Variants in UNC13C observed in about 807,000 individuals in gnomAD.
The protein encoded by UNC13C is protein unc-13 homolog C.
In UNC13C, 174 loss-of-function variants were observed where a neutral mutation model predicts 245.4. That is an observed-to-expected ratio of 0.71 (90% CI 0.63 to 0.80). The LOEUF is 0.80. Among genes scored for constraint, UNC13C ranks in the 30% least tolerant of loss-of-function variants. UNC13C has a pLI of 0.00. For missense variants in UNC13C, 2,829 were observed against 2,602.9 expected (o/e 1.09, Z -1.89); for synonymous variants, 992 against 895.1 (o/e 1.11, Z -1.93).
chr15:54,586,560 T>A (rs1469756609), intron 30 of UNC13C, among the ~76,000 whole-genome samples: 2 of 152,236 alleles, frequency 1.3e-5, no homozygotes, highest in Non-Finnish European at 2.9e-5. Flanking sequence ...AATTAACTTT[T>A]TAAAGGCCCT....
At chr15:54,105,966 T>A (rs150547376) in intron 2 of UNC13C, among the ~76,000 whole-genome samples, 31 of 152,290 alleles carry the variant, frequency 2.0e-4, no homozygotes, top group African/African-American at 7.0e-4. Context: ...CAGTTCTATT[T>A]TAAACTTACT....
At chr15:53,875,131 C>T in the UNC13C span, among the ~76,000 whole-genome samples, 1 of 152,060 alleles carries the variant, frequency 6.6e-6, no homozygotes. Context: ...TGTGACTTTC[C>T]CCCACATCTA....
At chr15:54,006,564 C>T (rs1191766902) in intron 1 of UNC13C, among the ~76,000 whole-genome samples, 1 of 152,182 alleles carries the variant, frequency 6.6e-6, no homozygotes, top group East Asian at 1.9e-4. Flanking sequence ...CTGTCAGAGT[C>T]ATCCCTGTGA....
At chr15:54,319,769 G>A (rs921842208) in intron 13 of UNC13C, among the ~76,000 whole-genome samples, 1 of 144,960 alleles carries the variant, frequency 6.9e-6, no homozygotes, top group Non-Finnish European at 1.5e-5. Context: ...GAGCAAAATA[G>A]GATCACATTA....
chr15:54,146,866 T>C (rs2032282136), intron 4 of UNC13C, among the ~76,000 whole-genome samples: 1 of 152,030 alleles, frequency 6.6e-6, no homozygotes, highest in South Asian at 2.1e-4. Flanking sequence ...AGTTCTTAGG[T>C]TTGCAAAAGT....
chr15:54,190,877 C>T (rs549047547), intron 4 of UNC13C, among the ~76,000 whole-genome samples: 82 of 152,046 alleles, frequency 5.4e-4, no homozygotes, highest in African/African-American at 1.9e-3. Context: ...GTTCTCTAGT[C>T]CATCTATAAT....
the UNC13C span, among the ~76,000 whole-genome samples, chr15:53,866,615 C>T: frequency 2.0e-5 from 3 of 152,146 alleles, no homozygotes; most frequent in East Asian, 3.9e-4. Flanking sequence ...GCCCCTGACC[C>T]GCAGGCACCA....
intron 17 of UNC13C, among the ~76,000 whole-genome samples, chr15:54,343,754 C>G (rs80137233): frequency 0.075 from 11,460 of 152,110 alleles, 502 homozygotes; most frequent in Admixed American, 0.12. Flanking sequence ...GAAGGCTACC[C>G]CAATAGGATT....
At chr15:53,869,442 A>T in the UNC13C span, among the ~76,000 whole-genome samples, 16 of 152,230 alleles carry the variant, frequency 1.1e-4, no homozygotes, top group Non-Finnish European at 1.9e-4. Context: ...AGGGTAATTC[A>T]TACTAATTCC....
downstream of UNC13C, chr15:54,631,783 A>T (rs776491889): frequency 6.6e-6 from 1 of 152,204 alleles, no homozygotes; most frequent in Non-Finnish European, 1.5e-5. Context: ...ATTATGAACA[A>T]AGCTTTTATA....
intron 19 of UNC13C, among the ~76,000 whole-genome samples, chr15:54,421,828 C>G (rs1257955644): frequency 6.6e-6 from 1 of 151,966 alleles, no homozygotes; most frequent in Non-Finnish European, 1.5e-5. Flanking sequence ...TTCATTAATA[C>G]ACACACTTAT....
chr15:53,940,954 A>T, the UNC13C span, among the ~76,000 whole-genome samples: 2 of 152,218 alleles, frequency 1.3e-5, no homozygotes, highest in African/African-American at 4.8e-5. Context: ...TTAGAAAAAA[A>T]ATCTATTTTA....
the UNC13C span, among the ~76,000 whole-genome samples, chr15:53,892,530 G>A: frequency 2.0e-5 from 3 of 152,008 alleles, no homozygotes; most frequent in Admixed American, 6.6e-5. Flanking sequence ...TGTACATTTA[G>A]TCTTTTCACA....
chr15:54,155,890 T>C (rs1316884340), intron 4 of UNC13C, among the ~76,000 whole-genome samples: 1 of 152,204 alleles, frequency 6.6e-6, no homozygotes, highest in Non-Finnish European at 1.5e-5. Context: ...AGTTGCATCA[T>C]AGGCAAGAAA....
At chr15:53,929,172 T>C in the UNC13C span, among the ~76,000 whole-genome samples, 1 of 152,100 alleles carries the variant, frequency 6.6e-6, no homozygotes, top group African/African-American at 2.4e-5. Flanking sequence ...GCAAGAGAGC[T>C]TGTGTAGGGG....
At chr15:54,191,433 C>A (rs1195718222) in intron 4 of UNC13C, among the ~76,000 whole-genome samples, 1 of 152,156 alleles carries the variant, frequency 6.6e-6, no homozygotes, top group East Asian at 1.9e-4. Flanking sequence ...GCCACATTTT[C>A]TTTATCCAGT....
At chr15:54,633,387 G>A (rs574157074), downstream of UNC13C, 4 of 152,096 alleles carry the variant, frequency 2.6e-5, no homozygotes, top group South Asian at 8.3e-4. Context: ...GAGTATAAAT[G>A]TTACTTTGAG....
intron 30 of UNC13C, among the ~76,000 whole-genome samples, chr15:54,593,156 G>A (rs1237745595): frequency 6.6e-6 from 1 of 152,140 alleles, no homozygotes; most frequent in African/African-American, 2.4e-5. Flanking sequence ...TTAGCTTGTA[G>A]GGTTTCTGTT....
chr15:54,143,564 A>T (rs1328759092), intron 3 of UNC13C, 56 bp from the exon 4 acceptor site: 5 of 1,467,702 alleles, frequency 3.4e-6, no homozygotes, highest in Non-Finnish European at 4.7e-6. Flanking sequence ...GTGTACATAA[A>T]ACTGTAGTAT....
Sources: gnomAD v4.1 joint callset for allele counts (sites outside exome capture counted in the v4.1 genomes callset) on GRCh38, gnomAD v4.1.1 for gene constraint, MANE v1.5 for transcripts, NCBI Gene and HGNC (gene_info 2026-07-23, HGNC 2026-07-21) for gene names.